FOXO3: variants seen among roughly 807,000 people sequenced by gnomAD.
The protein encoded by FOXO3 is forkhead box protein O3.
A neutral mutation model predicts 41.9 loss-of-function variants in FOXO3; 4 were observed. The ratio of observed to expected loss-of-function variants is 0.10; its 90% CI spans 0.05 to 0.22. The LOEUF (loss-of-function observed/expected upper bound fraction) is 0.22. FOXO3 is among the 10% of genes least tolerant of loss of function. The pLI is 1.00. For missense variants in FOXO3, 534 were observed against 906.8 expected (o/e 0.59, Z 5.28); for synonymous variants, 318 against 389.3 (o/e 0.82, Z 2.16).
In FOXO3 at chr6:108,621,541, G is replaced by GTT. The variant is rs60622651; in HGVS notation, c.622-41906_622-41905dup. On this transcript the variant is annotated intron_variant, in intron 1 of 2. Transcript: ENST00000406360. ...GGGATGAGTCTTTCACCATGTTAGT[G>GTT]TTTTTTTTTGTTTTGTTTTGTTTTT... Among the ~76,000 whole-genome samples, 85 of 151,346 alleles carry GTT rather than the reference G, an allele frequency of 5.6e-4. 1 individual carries two copies. The highest frequency in any genetic ancestry group is 3.8e-4 in the Non-Finnish European group (26 of 67,714).
At chr6:108,575,086 A>G (rs113758281) in intron 1 of FOXO3, among the ~76,000 whole-genome samples, 3 of 152,368 alleles carry the variant, frequency 2.0e-5, no homozygotes, top group African/African-American at 7.2e-5. Context: ...TAAGGAGGAC[A>G]TAAAATTAAA....
At chr6:108,639,142 G>A (rs1003757960) in intron 1 of FOXO3, among the ~76,000 whole-genome samples, 13 of 152,184 alleles carry the variant, frequency 8.5e-5, no homozygotes, top group Non-Finnish European at 1.5e-4. Context: ...CTGGAGGCCT[G>A]GCACCAGTTT....
chr6:108,636,928 T>C (rs1778136345), intron 1 of FOXO3, among the ~76,000 whole-genome samples: 1 of 152,124 alleles, frequency 6.6e-6, no homozygotes, highest in Non-Finnish European at 1.5e-5. Flanking sequence ...GCACCTCTAT[T>C]TAAATCCCCC....
chr6:108,651,035 T>C (rs534303255), intron 1 of FOXO3, among the ~76,000 whole-genome samples: 16 of 152,268 alleles, frequency 1.1e-4, no homozygotes, highest in Middle Eastern at 3.4e-3. Context: ...GCAGATGAGG[T>C]ATAGGTTAAA....
chr6:108,636,374 C>T lies in FOXO3; in HGVS notation c.622-27081C>T, dbSNP rs532063511. 7.9e-4 allele frequency among the ~76,000 whole-genome samples: 120 copies of T among 152,250 alleles called. 4 individuals carry two copies. The South Asian group carries it at 0.023, about 29-fold the overall frequency. ...ATCTCTAAACAGGAGATCACTGTTT[C>T]GTATGCTCTAGAGAGCTCATTTAGC... On this transcript the variant is annotated intron_variant, in intron 1 of 2. Transcript: ENST00000406360.
chr6:108,632,174 C>A (rs1777991595), intron 1 of FOXO3, among the ~76,000 whole-genome samples: 1 of 152,148 alleles, frequency 6.6e-6, no homozygotes, highest in African/African-American at 2.4e-5. Flanking sequence ...TTAGTGAGCA[C>A]TGAGTTTGTT....
At chr6:108,635,431 G>A (rs779590571) in intron 1 of FOXO3, among the ~76,000 whole-genome samples, 1 of 152,158 alleles carries the variant, frequency 6.6e-6, no homozygotes, top group Non-Finnish European at 1.5e-5. Context: ...ATTTTGCTTC[G>A]TTAAAATTTT....
At chr6:108,673,234 C>G (rs565197395) in intron 2 of FOXO3, among the ~76,000 whole-genome samples, 2 of 152,322 alleles carry the variant, frequency 1.3e-5, no homozygotes, top group African/African-American at 4.8e-5. Context: ...GACTGCCCTG[C>G]TGGCTGGAGT....
rs560704848 is a variant in FOXO3, at chr6:108,569,984, G to A, written c.621+8155G>A. ...GAATCCACATCATGTTTTCCCTTGC[G>A]TGGTTTTTTTTTTTTTTTTTTTTTT... On this transcript the variant is annotated intron_variant, in intron 1 of 2. Coordinates refer to ENST00000406360, the MANE Select transcript of FOXO3 (RefSeq NM_001455.4). 7.0e-5 allele frequency among the ~76,000 whole-genome samples: 7 copies of A among 99,316 alleles called. No homozygotes were observed. The East Asian group carries it at 1.5e-3, about 21-fold the overall frequency. 65.2% of individuals were successfully genotyped at this position (99,316 alleles called of 152,430 possible). A position where few individuals can be genotyped will look rare whatever the true frequency, so the allele number is the denominator to read the frequency against.
chr6:108,665,889 T>G (rs1695945801), intron 2 of FOXO3, among the ~76,000 whole-genome samples: 1 of 151,874 alleles, frequency 6.6e-6, no homozygotes. Context: ...CTCGTGTGCT[T>G]CTGCTTGTTC....
At chr6:108,599,093 C>A (rs1414546328) in intron 1 of FOXO3, among the ~76,000 whole-genome samples, 2 of 152,098 alleles carry the variant, frequency 1.3e-5, no homozygotes, top group African/African-American at 4.8e-5. Flanking sequence ...ACCAGAGTAA[C>A]TTTGTGAGAG....
chr6:108,595,866 G>A (rs9386740), intron 1 of FOXO3, among the ~76,000 whole-genome samples: 7,451 of 152,224 alleles, frequency 0.049, 307 homozygotes, highest in South Asian at 0.21. Flanking sequence ...TGTTAGTGAT[G>A]AGTTTGATAA....
chr6:108,565,020 C>T (rs1012567798), intron 1 of FOXO3, among the ~76,000 whole-genome samples: 1 of 152,078 alleles, frequency 6.6e-6, no homozygotes, highest in Non-Finnish European at 1.5e-5. Context: ...AGGTCATTTG[C>T]TAGGTAATGG....
At chr6:108,662,593 T>C (rs1435453810) in intron 1 of FOXO3, among the ~76,000 whole-genome samples, 3 of 152,204 alleles carry the variant, frequency 2.0e-5, no homozygotes, top group Non-Finnish European at 4.4e-5. Flanking sequence ...GATGGAGTCA[T>C]AGAAAGGTTA....
intron 1 of FOXO3, 42 bp downstream of exon 1, chr6:108,561,871 T>A (rs1298413988): frequency 6.7e-7 from 1 of 1,501,028 alleles, no homozygotes; most frequent in East Asian, 2.6e-5. Flanking sequence ...CCGCCGGGCC[T>A]CCTGCGCAGC....
intron 1 of FOXO3, among the ~76,000 whole-genome samples, chr6:108,601,094 G>T (rs1348074034): frequency 1.3e-5 from 2 of 151,774 alleles, no homozygotes; most frequent in Non-Finnish European, 2.9e-5. Flanking sequence ...TGCAAGCTCC[G>T]CCTCTGGGGT....
At chr6:108,646,117 C>T (rs748538148) in intron 1 of FOXO3, among the ~76,000 whole-genome samples, 17 of 152,270 alleles carry the variant, frequency 1.1e-4, no homozygotes, top group Middle Eastern at 3.4e-3. Context: ...TCAGGGTCTC[C>T]TCATGGTCCA....
chr6:108,594,741 T>C (rs1435392259), intron 1 of FOXO3, among the ~76,000 whole-genome samples: 5 of 152,196 alleles, frequency 3.3e-5, no homozygotes, highest in African/African-American at 1.2e-4. Context: ...AGTGACCCAG[T>C]AGGTGTAGGG....
At chr6:108,589,112 G>T (rs940294723) in intron 1 of FOXO3, among the ~76,000 whole-genome samples, 1 of 152,212 alleles carries the variant, frequency 6.6e-6, no homozygotes, top group African/African-American at 2.4e-5. Flanking sequence ...GGCTGTCATG[G>T]AGTCCTGTGG....
Sources: allele counts gnomAD v4.1 joint callset (sites outside exome capture counted in the v4.1 genomes callset), GRCh38; gene constraint gnomAD v4.1.1; transcripts MANE v1.5; gene names NCBI Gene and HGNC (gene_info 2026-07-23, HGNC 2026-07-21).